Variants in BAIAP3 observed in about 807,000 individuals in gnomAD.
BAIAP3 encodes the protein BAI1 associated protein 3, also known as BAI1-associated protein 3.
Under a neutral mutation model 149.7 loss-of-function variants are expected in BAIAP3, and 180 were observed. The ratio of observed to expected loss-of-function variants is 1.20; its 90% CI spans 1.07 to 1.36. BAIAP3 has a LOEUF of 1.36. Ranked by LOEUF, BAIAP3 falls within the 40% of genes most tolerant of loss-of-function variation. The pLI is 0.00. For synonymous variants in BAIAP3, 845 were observed against 670.7 expected (o/e 1.26, Z -4.02); for missense variants, 1,767 against 1,563.4 (o/e 1.13, Z -2.20).
In BAIAP3 at chr16:1,344,683, C is replaced by G; in HGVS notation, c.1742C>G (p.Ala581Gly). 6.2e-7 allele frequency: 1 copy of G among 1,613,644 alleles called. No homozygotes were observed. The highest frequency in any genetic ancestry group is 8.5e-7 in the Non-Finnish European group (1 of 1,180,020). ...CTTCAGTTCTGCTACAGTGTGTACG[C>G]CAGCCTCTTCCACAGGTGGGCCTGG... The part of the protein sequence containing the change: ...DDLQFCYSVY[A>G]SLFHSILNVD... The change falls in exon 19 of 34, where the codon GCC becomes GGC. Residue 581 changes from alanine (A) to glycine (G), a missense_variant. By Grantham distance (60) the Ala-to-Gly change is moderately conservative. Coordinates refer to ENST00000426824, the MANE Select transcript of BAIAP3 (RefSeq NM_001199097.2).
chr16:1,337,942 C>T (rs1009539857), intron 1 of BAIAP3, among the ~76,000 whole-genome samples: 1 of 152,214 alleles, frequency 6.6e-6, no homozygotes, highest in Admixed American at 6.5e-5. Flanking sequence ...TTGACCCCCG[C>T]TGTGCTTGGT....
rs1195704463 is a variant in BAIAP3, at chr16:1,343,150, G to A, written c.1265+134G>A. ...GAAAGGGGCGGTGCTGAGTAGGTGG[G>A]GCTGCGCTGATTGGGCGGGAAGGGA... On this transcript the variant is annotated intron_variant, in intron 14 of 33. Coordinates refer to ENST00000426824, the MANE Select transcript of BAIAP3 (RefSeq NM_001199097.2). 75 of 1,125,134 alleles carry A rather than the reference G, an allele frequency of 6.7e-5. No homozygotes were observed. The East Asian group carries it at 1.9e-3, about 29-fold the overall frequency. The allele number at this position is 1,125,134 out of a possible 1,614,324, so 69.7% of individuals were successfully genotyped here. A position where few individuals can be genotyped will look rare whatever the true frequency, so the allele number is the denominator to read the frequency against.
At chr16:1,343,956 G>A in intron 15 of BAIAP3, 66 bp from the exon 16 acceptor site, 1 of 1,596,976 alleles carries the variant, frequency 6.3e-7, no homozygotes, top group Non-Finnish European at 8.5e-7. Context: ...GCCAAGGCAG[G>A]GAGGATGTTT....
chr16:1,344,221 A>AC lies in BAIAP3; in HGVS notation c.1512-3dup, dbSNP rs1351186067. The AC allele has an allele frequency of 6.2e-7, 1 of 1,613,116 alleles. No individual in the cohort carries two copies. The highest frequency in any genetic ancestry group is 1.3e-5 in the African/African-American group (1 of 75,016). ...GGCCCCACGTCAGCGTGCTGCCCCC[A>AC]CCCAGGTGTCTGGGCAAGCTGCAGC... On this transcript the variant is annotated splice_region_variant and splice_polypyrimidine_tract_variant and intron_variant, in intron 16 of 33. Coordinates refer to ENST00000426824, the MANE Select transcript of BAIAP3 (RefSeq NM_001199097.2).
chr16:1,342,988 A>C lies in BAIAP3; in HGVS notation c.1237A>C (p.Asn413His). ...CCTCTGCCTGCACGGAGCCCAGAGC[A>C]ACCTGTCACCCTTGCAGCTGGCCGT... is the stretch of plus-strand genomic sequence containing the variant. ...TILCLHGAQS[N>H]LSPLQLAVLH... The change falls in exon 14 of 34, where the codon AAC becomes CAC. Residue 413 changes from asparagine (N) to histidine (H), a missense_variant. Physicochemically the swap from Asn to His is moderately conservative, Grantham distance 68. Coordinates refer to ENST00000426824, the MANE Select transcript of BAIAP3 (RefSeq NM_001199097.2). 3 of 1,611,126 alleles carry C rather than the reference A, an allele frequency of 1.9e-6. No homozygotes were observed. In the South Asian group the frequency reaches 3.3e-5, roughly 18 times the overall value.
rs1034228175 is a variant in BAIAP3 at position 1,343,922 on chromosome 16, C to T, written c.1387-100C>T. ...CTGCTCAGAGCAGAGCTGGGCTGACCATGCCCGGGGAAGGGTGTTGCGGGC... is the reference window on the plus strand; with the variant it reads ...CTGCTCAGAGCAGAGCTGGGCTGACTATGCCCGGGGAAGGGTGTTGCGGGC... On this transcript the variant is annotated intron_variant, in intron 15 of 33. Transcript: ENST00000426824. 1.7e-5 allele frequency: 26 copies of T among 1,547,222 alleles called. No individual in the cohort carries two copies. The African/African-American group carries it at 3.4e-4, about 20-fold the overall frequency.
rs2033886034 is a variant in BAIAP3 at position 1,340,988 on chromosome 16, C to T, written c.468+7C>T. ...GCGAGTGAGGAAGGCCAAGGTGAGG[C>T]CGCCACTGCCTGGGCAGGCACTGAC... On this transcript the variant is annotated splice_region_variant and intron_variant, in intron 6 of 33. Coordinates refer to ENST00000426824, the MANE Select transcript of BAIAP3 (RefSeq NM_001199097.2). 2.5e-6 allele frequency: 4 copies of T among 1,600,634 alleles called. No homozygotes were observed. In the East Asian group the frequency reaches 6.8e-5, roughly 27 times the overall value.
intron 1 of BAIAP3, chr16:1,334,501 C>T: frequency 1.6e-6 from 1 of 640,006 alleles, no homozygotes; most frequent in Non-Finnish European, 2.8e-6. Flanking sequence ...GGGAGCGCTG[C>T]GCAGACACGG....
At chr16:1,339,446 G>T (rs2033700287) in intron 4 of BAIAP3, 50 bp from the exon 5 acceptor site, 4 of 1,559,258 alleles carry the variant, frequency 2.6e-6, no homozygotes, top group Non-Finnish European at 3.5e-6. Context: ...TGCTGCTGAG[G>T]GCTGGGGGCC....
chr16:1,338,166 G>T (rs370824357), intron 1 of BAIAP3, among the ~76,000 whole-genome samples: 1 of 152,128 alleles, frequency 6.6e-6, no homozygotes, highest in Non-Finnish European at 1.5e-5. Flanking sequence ...GGAAACAGGC[G>T]CCTCCTGCTG....
chr16:1,348,098 C>A lies in BAIAP3; in HGVS notation c.3152C>A (p.Ser1051Tyr). 1.2e-6 allele frequency: 2 copies of A among 1,602,368 alleles called. No individual in the cohort carries two copies. Among genetic ancestry groups the A allele is most frequent in the Non-Finnish European group, 1.7e-6 (2 of 1,179,308 alleles). The change falls in exon 33 of 34, where the codon TCC becomes TAC. Residue 1051 changes from serine (S) to tyrosine (Y), a missense_variant and splice_region_variant. By Grantham distance (144) the Ser-to-Tyr change is moderately radical. Transcript: ENST00000426824. ...HPVYDELFYF[S>Y]VPAEACRRRA... Reference sequence around the variant, plus strand: ...TCCCGACTGGCCTCTGTCCGCAGTTCCGTGCCTGCCGAGGCGTGCCGCCGC... The same window carrying A: ...TCCCGACTGGCCTCTGTCCGCAGTTACGTGCCTGCCGAGGCGTGCCGCCGC...
At chr16:1,343,357 G>C in intron 14 of BAIAP3, 36 bp from the exon 15 acceptor site, 1 of 1,568,180 alleles carries the variant, frequency 6.4e-7, no homozygotes, top group Non-Finnish European at 8.6e-7. Context: ...GCAGGGGCGG[G>C]GTTCATACCC....
chr16:1,342,467 A>T (rs372842966), intron 11 of BAIAP3, 60 bp from the exon 12 acceptor site: 1 of 1,477,458 alleles, frequency 6.8e-7, no homozygotes, highest in Non-Finnish European at 9.2e-7. Context: ...GGTCTCACAG[A>T]GTCAGTGTGG....
chr16:1,339,402 C>A (rs2033698162), intron 4 of BAIAP3, 94 bp from the exon 5 acceptor site: 2 of 1,479,670 alleles, frequency 1.4e-6, no homozygotes, highest in Non-Finnish European at 1.8e-6. Flanking sequence ...TGCAAAGAGG[C>A]AGAGGTGGGG....
intron 1 of BAIAP3, among the ~76,000 whole-genome samples, chr16:1,335,810 G>A (rs1373344333): frequency 3.3e-5 from 5 of 152,106 alleles, no homozygotes; most frequent in African/African-American, 1.2e-4. Flanking sequence ...GGCCTAGCTG[G>A]TTGCCCCAGG....
intron 1 of BAIAP3, among the ~76,000 whole-genome samples, chr16:1,338,018 T>C (rs115605883): frequency 6.6e-6 from 1 of 152,182 alleles, no homozygotes; most frequent in African/African-American, 2.4e-5. Context: ...CCACCCAGGA[T>C]GTCAGGGTTC....
Position 1,342,739 on chromosome 16 carries a change from G to C in BAIAP3, c.1086G>C (p.Gln362His), listed in dbSNP as rs1489955099. 2 of 1,612,500 alleles carry C rather than the reference G, an allele frequency of 1.2e-6. No homozygotes were observed. The highest frequency in any genetic ancestry group is 1.1e-5 in the South Asian group (1 of 91,062). ...TGCAGAGGGATACGGCCATGAGCCA[G>C]CGCGGGCGATCCGGCTTCCTGTCCC... ...ITTQRDTAMS[Q>H]RGRSGFLSHL... The change falls in exon 13 of 34, where the codon CAG becomes CAC. Residue 362 changes from glutamine (Q) to histidine (H), a missense_variant. Transcript: ENST00000426824.
In BAIAP3 at chr16:1,334,710, C is replaced by T. The variant is rs141912338; in HGVS notation, c.-11+961C>T. The T allele has an allele frequency of 6.2e-4, 962 of 1,556,906 alleles. 7 individuals are homozygous for T. In the African/African-American group the frequency reaches 0.011, roughly 18 times the overall value. The stretch of plus-strand genomic sequence containing the variant: ...TGCAGCGGGCCCGCCAGGTGACCTG[C>T]ACCTGGGCACCGCCATCGGCTTCGC... On this transcript the variant is annotated intron_variant, in intron 1 of 33. Transcript: ENST00000426824.
Position 1,347,274 on chromosome 16 carries a change from C to T in BAIAP3, c.2752-24C>T, listed in dbSNP as rs201200540. 105 of 1,610,334 alleles carry T rather than the reference C, an allele frequency of 6.5e-5. No individual in the cohort carries two copies. In the African/African-American group the frequency reaches 1.3e-3, roughly 19 times the overall value. On this transcript the variant is annotated intron_variant, in intron 28 of 33. Transcript: ENST00000426824. ...CAGCACAAGCCAGGCTCCCTGACAC[C>T]TCTGCCTTCTTTCCCTGCCCCAGGC...
Sources: gnomAD v4.1 joint callset for allele counts (sites outside exome capture counted in the v4.1 genomes callset) on GRCh38, gnomAD v4.1.1 for gene constraint, MANE v1.5 for transcripts, NCBI Gene and HGNC (gene_info 2026-07-23, HGNC 2026-07-21) for gene names.